PPM1L: variants seen among roughly 807,000 people sequenced by gnomAD.
The protein encoded by PPM1L is protein phosphatase 1L.
In PPM1L, 13 loss-of-function variants were observed where a neutral mutation model predicts 31.4. The ratio of observed to expected loss-of-function variants is 0.41; its 90% CI spans 0.27 to 0.66. The LOEUF is 0.66. Ranked by LOEUF, PPM1L falls within the 30% of genes least tolerant of loss-of-function variation. The probability of loss-of-function intolerance (pLI) is 0.29; values close to 1 mark genes in which losing one functional copy is unlikely to be tolerated. For synonymous variants in PPM1L, 184 were observed against 175.4 expected, an observed-to-expected ratio of 1.05 and a Z score of -0.39; for missense variants, 326 against 453.7, an observed-to-expected ratio of 0.72 and a Z score of 2.56.
At chr3:161,061,817 C>T (rs898046117) in intron 2 of PPM1L, among the ~76,000 whole-genome samples, 11 of 152,114 alleles carry the variant, frequency 7.2e-5, no homozygotes, top group Admixed American at 1.3e-4. Flanking sequence ...AACAGCCACA[C>T]TCTAAATCTC....
chr3:160,804,910 T>C (rs537020960), intron 1 of PPM1L, among the ~76,000 whole-genome samples: 16 of 152,324 alleles, frequency 1.1e-4, no homozygotes, highest in Admixed American at 7.8e-4. Flanking sequence ...GGGATCTGCC[T>C]CCTTCCTCAC....
chr3:161,043,203 G>T (rs1718962320), intron 2 of PPM1L, among the ~76,000 whole-genome samples: 1 of 152,058 alleles, frequency 6.6e-6, no homozygotes, highest in Non-Finnish European at 1.5e-5. Context: ...CAACCAGAGG[G>T]AGTTTCCAGG....
chr3:160,759,335 A>G (rs911786331), intron 1 of PPM1L, among the ~76,000 whole-genome samples: 2 of 152,238 alleles, frequency 1.3e-5, no homozygotes, highest in African/African-American at 4.8e-5. Context: ...CTGTAATTGT[A>G]GTACTCTTTA....
At chr3:160,875,116 A>G (rs1462829848) in intron 1 of PPM1L, among the ~76,000 whole-genome samples, 1 of 152,228 alleles carries the variant, frequency 6.6e-6, no homozygotes, top group East Asian at 1.9e-4. Flanking sequence ...ATATATTTCC[A>G]GAATGATGGC....
At chr3:160,767,803 C>T (rs1715143901) in intron 1 of PPM1L, among the ~76,000 whole-genome samples, 1 of 152,044 alleles carries the variant, frequency 6.6e-6, no homozygotes, top group South Asian at 2.1e-4. Flanking sequence ...AAAATTTATT[C>T]TCTTAGTTAT....
rs569492660 is a variant in PPM1L at position 161,041,191 on chromosome 3, A to G, written c.575-24212A>G. On this transcript the variant is annotated intron_variant, in intron 2 of 3. Coordinates refer to ENST00000498165, the MANE Select transcript of PPM1L (RefSeq NM_139245.4). Reference sequence around the variant, plus strand: ...ACTCAACCAATGACAAACTCAACCAACTGTCAACCAGAAAATGTTTAAATT... The same window carrying G: ...ACTCAACCAATGACAAACTCAACCAGCTGTCAACCAGAAAATGTTTAAATT... 3.9e-5 allele frequency among the ~76,000 whole-genome samples: 6 copies of G among 152,290 alleles called. No individual in the cohort carries two copies. In the East Asian group the frequency reaches 7.7e-4, roughly 20 times the overall value.
intron 1 of PPM1L, among the ~76,000 whole-genome samples, chr3:160,877,801 C>T (rs538352238): frequency 9.2e-5 from 14 of 152,294 alleles, no homozygotes; most frequent in Admixed American, 6.5e-4. Flanking sequence ...CCACCCCACC[C>T]TAATCTTCTT....
chr3:160,908,977 T>C (rs994056654), intron 1 of PPM1L, among the ~76,000 whole-genome samples: 2 of 152,198 alleles, frequency 1.3e-5, no homozygotes, highest in Non-Finnish European at 2.9e-5. Context: ...GACCGAACCT[T>C]GGTGAACAAC....
intron 2 of PPM1L, among the ~76,000 whole-genome samples, chr3:161,009,028 G>T (rs1717802030): frequency 1.3e-5 from 2 of 152,174 alleles, no homozygotes; most frequent in African/African-American, 4.8e-5. Flanking sequence ...GCTTTAGGGT[G>T]GGGACATAGG....
intron 1 of PPM1L, among the ~76,000 whole-genome samples, chr3:160,853,736 TAATC>T (rs1209583517): frequency 6.6e-6 from 1 of 152,178 alleles, no homozygotes; most frequent in Non-Finnish European, 1.5e-5. Context: ...ATCAAATAAA[TAATC>T]TATAAGGTGT....
intron 2 of PPM1L, among the ~76,000 whole-genome samples, chr3:160,994,918 C>T (rs1717258333): frequency 6.6e-6 from 1 of 152,056 alleles, no homozygotes; most frequent in Admixed American, 6.6e-5. Context: ...CCAAGATCTG[C>T]AAGAAAGGCG....
chr3:160,985,388 C>G (rs991970187), intron 2 of PPM1L, among the ~76,000 whole-genome samples: 2 of 152,092 alleles, frequency 1.3e-5, no homozygotes, highest in Non-Finnish European at 2.9e-5. Flanking sequence ...AAATAGTTCC[C>G]TTACTAAAGT....
At chr3:160,950,017 G>A (rs549733646) in intron 1 of PPM1L, among the ~76,000 whole-genome samples, 120 of 152,270 alleles carry the variant, frequency 7.9e-4, no homozygotes, top group Non-Finnish European at 1.2e-3. Flanking sequence ...GGCAGGTCTC[G>A]AAGTGGGAGC....
At chr3:160,820,020 A>G (rs1311898637) in intron 1 of PPM1L, among the ~76,000 whole-genome samples, 1 of 152,208 alleles carries the variant, frequency 6.6e-6, no homozygotes, top group Non-Finnish European at 1.5e-5. Context: ...TTATTTTGAC[A>G]TCATATTTTA....
chr3:160,847,918 T>C (rs1714131537), intron 1 of PPM1L, among the ~76,000 whole-genome samples: 2 of 152,180 alleles, frequency 1.3e-5, no homozygotes, highest in South Asian at 2.1e-4. Flanking sequence ...CAAGTTGCTA[T>C]GTTCCCTAGG....
intron 1 of PPM1L, among the ~76,000 whole-genome samples, chr3:160,888,494 A>C (rs1465089256): frequency 1.3e-5 from 2 of 152,230 alleles, no homozygotes; most frequent in Non-Finnish European, 2.9e-5. Context: ...TCCAAATCAT[A>C]TATGCACCCA....
chr3:160,806,191 G>T (rs962161510), intron 1 of PPM1L, among the ~76,000 whole-genome samples: 4 of 152,152 alleles, frequency 2.6e-5, no homozygotes, highest in Non-Finnish European at 5.9e-5. Context: ...CAAGGTAGGG[G>T]CTGTGCTCTC....
At chr3:160,880,327 A>C (rs1712670513) in intron 1 of PPM1L, among the ~76,000 whole-genome samples, 1 of 152,200 alleles carries the variant, frequency 6.6e-6, no homozygotes, top group African/African-American at 2.4e-5. Context: ...AGTTAAAATT[A>C]GGGAAATGGA....
At chr3:160,984,261 T>TA (rs1251472573) in intron 2 of PPM1L, among the ~76,000 whole-genome samples, 12 of 152,172 alleles carry the variant, frequency 7.9e-5, no homozygotes, top group African/African-American at 2.9e-4. Flanking sequence ...CCAGGGCTGT[T>TA]AATTATTAAT....
Sources: gnomAD v4.1 joint callset for allele counts (sites outside exome capture counted in the v4.1 genomes callset) on GRCh38, gnomAD v4.1.1 for gene constraint, MANE v1.5 for transcripts, NCBI Gene and HGNC (gene_info 2026-07-23, HGNC 2026-07-21) for gene names.